The following RAE1 variants were observed in gnomAD, a reference collection of about 807,000 sequenced individuals.
RAE1 encodes ribonucleic acid export 1.
Under a neutral mutation model 52.7 loss-of-function variants are expected in RAE1, and 13 were observed. The ratio of observed to expected loss-of-function variants is 0.25; its 90% confidence interval spans 0.16 to 0.39. RAE1 has a LOEUF of 0.39. RAE1 is among the 10% of genes least tolerant of loss of function. The pLI, the probability that RAE1 is intolerant of heterozygous loss-of-function variation, is 1.00. For synonymous variants in RAE1, 164 were observed against 153.1 expected (o/e 1.07, Z -0.52); for missense variants, 262 against 459.8 (o/e 0.57, Z 3.93).
intron 5 of RAE1, 65 bp from the exon 6 acceptor site, chr20:57,366,742 A>T: frequency 1.4e-6 from 2 of 1,456,414 alleles, no homozygotes; most frequent in Non-Finnish European, 1.9e-6. Context: ...GAATTGCCAC[A>T]ACTAAAGCTG....
At chr20:57,373,246 AGCAGCG>A in intron 8 of RAE1, 2 of 545,476 alleles carry the variant, frequency 3.7e-6, no homozygotes, top group East Asian at 6.4e-5. Flanking sequence ...AGGGAGAGCG[AGCAGCG>A]GGGGCGGGGG....
At chr20:57,374,264 C>T (rs956305756) in intron 10 of RAE1, among the ~76,000 whole-genome samples, 1 of 152,214 alleles carries the variant, frequency 6.6e-6, no homozygotes, top group East Asian at 1.9e-4. Flanking sequence ...TGCCGAGAGT[C>T]TTCTCCCTCC....
In RAE1 at chr20:57,378,567, T is replaced by G. The variant is rs1276021363; in HGVS notation, c.*468T>G. ...TTGAGTTGAGATTTCAGACACCCTC[T>G]GGGAAATGCGGCAACCTTAGGGGAA... On this transcript the variant is annotated 3_prime_UTR_variant, in exon 12 of 12. Coordinates refer to ENST00000395841, the MANE Select transcript of RAE1 (RefSeq NM_003610.4). 1 of 154,412 alleles carries G rather than the reference T, an allele frequency of 6.5e-6. No homozygotes were observed. Among genetic ancestry groups the G allele is most frequent in the African/African-American group, 2.4e-5 (1 of 41,502 alleles). The allele number at this position is 154,412 out of a possible 1,614,324, so 9.6% of individuals were successfully genotyped here. A position where few individuals can be genotyped will look rare whatever the true frequency, so the allele number is the denominator to read the frequency against.
intron 3 of RAE1, among the ~76,000 whole-genome samples, chr20:57,355,337 A>G (rs2066769108): frequency 6.6e-6 from 1 of 152,254 alleles, no homozygotes; most frequent in African/African-American, 2.4e-5. Flanking sequence ...AATAAACCTG[A>G]ACCATTCATC....
At chr20:57,358,744 C>T in intron 4 of RAE1, 1 of 376,694 alleles carries the variant, frequency 2.7e-6, no homozygotes, top group Non-Finnish European at 4.7e-6. Flanking sequence ...GCGCTGTTAT[C>T]CCTAGGGTAA....
chr20:57,355,496 A>G (rs1226859991), intron 3 of RAE1, among the ~76,000 whole-genome samples: 1 of 152,234 alleles, frequency 6.6e-6, no homozygotes, highest in Non-Finnish European at 1.5e-5. Context: ...TTTCCACAGG[A>G]TAATTGGCAA....
intron 4 of RAE1, among the ~76,000 whole-genome samples, chr20:57,364,859 T>C (rs1324455756): frequency 2.0e-5 from 3 of 152,226 alleles, no homozygotes; most frequent in Non-Finnish European, 4.4e-5. Flanking sequence ...GAAGTGTTAT[T>C]AGATAGGGAC....
At position 57,375,105 on chromosome 20, in the gene RAE1, C is replaced by T. The variant is rs1329496353; in HGVS notation, c.1020+304C>T. 3 of 670,854 alleles carry T rather than the reference C, an allele frequency of 4.5e-6. No homozygotes were observed. The African/African-American group carries it at 5.3e-5, about 12-fold the overall frequency. The allele number at this position is 670,854 out of a possible 1,614,324, so 41.6% of individuals were successfully genotyped here. ...GGGCTGCACTTTATGAAGGGGGTGG[C>T]AGGGCGGGTCATGGAGCTTTCGCCT... On this transcript the variant is annotated intron_variant, in intron 11 of 11. Transcript: ENST00000395841.
intron 4 of RAE1, 137 bp from the exon 5 acceptor site, chr20:57,365,219 T>G (rs2066938090): frequency 3.6e-6 from 2 of 549,088 alleles, no homozygotes; most frequent in East Asian, 6.4e-5. Context: ...TAGTTTGCAG[T>G]ACACTGGTCC....
At chr20:57,353,974 T>G (rs2146125465) in intron 1 of RAE1, 58 bp from the exon 2 acceptor site, 1 of 1,427,512 alleles carries the variant, frequency 7.0e-7, no homozygotes, top group African/African-American at 1.4e-5. Context: ...TATCTTACCA[T>G]TGCCTCTCAG....
chr20:57,358,146 G>T (rs1305547502), intron 4 of RAE1: 1 of 152,116 alleles, frequency 6.6e-6, no homozygotes, highest in Non-Finnish European at 1.5e-5. Context: ...GGCTAGGATT[G>T]GAGCAATAAT....
intron 3 of RAE1, among the ~76,000 whole-genome samples, chr20:57,355,681 A>G (rs907348188): frequency 6.6e-5 from 10 of 152,220 alleles, no homozygotes; most frequent in African/African-American, 2.4e-4. Context: ...TAGTAATGGC[A>G]ATGTATAGTA....
intron 4 of RAE1, among the ~76,000 whole-genome samples, chr20:57,361,424 G>A (rs943205029): frequency 1.3e-5 from 2 of 152,156 alleles, no homozygotes; most frequent in Non-Finnish European, 2.9e-5. Flanking sequence ...CTCTGACTGG[G>A]TTGCATTTTA....
intron 8 of RAE1, chr20:57,372,927 G>A (rs1486501768): frequency 2.0e-5 from 3 of 153,044 alleles, no homozygotes; most frequent in Non-Finnish European, 4.4e-5. Context: ...GAATTTCTGG[G>A]TTCTTCTGTA....
chr20:57,351,651 G>A, intron 1 of RAE1: 1 of 985,566 alleles, frequency 1.0e-6, no homozygotes, highest in Non-Finnish European at 1.2e-6. Context: ...CCTCTGGGAA[G>A]GGTCACATTG....
chr20:57,371,425 G>T lies in RAE1; in HGVS notation c.643-2050G>T, dbSNP rs148732753. 3 of 152,314 alleles carry T rather than the reference G, an allele frequency of 2.0e-5. No individual in the cohort carries two copies. In the East Asian group the frequency reaches 5.8e-4, roughly 29 times the overall value. 9.4% of individuals were successfully genotyped at this position (152,314 alleles called of 1,614,324 possible). ...AGACTTGAATAGACATGTCTCCAAA[G>T]AAGACATACAAATACCCAGCAGGTG... On this transcript the variant is annotated intron_variant, in intron 8 of 11. Transcript: ENST00000395841.
rs776172362 is a variant in RAE1, at chr20:57,368,817, G to A, written c.642+5G>A. ...GAATCTCCACTGAAACATCAGGTGC[G>A]TCATTAGTCAAATCAAGAAGTATGT... On this transcript the variant is annotated splice_donor_5th_base_variant and intron_variant, in intron 8 of 11. Transcript: ENST00000395841. 24 of 1,599,380 alleles carry A rather than the reference G, an allele frequency of 1.5e-5. No individual in the cohort carries two copies. Among genetic ancestry groups the A allele is most frequent in the East Asian group, 2.2e-5 (1 of 44,832 alleles).
At chr20:57,371,467 A>C (rs1036915081) in intron 8 of RAE1, 1 of 152,256 alleles carries the variant, frequency 6.6e-6, no homozygotes, top group Non-Finnish European at 1.5e-5. Context: ...AATGTGCTTA[A>C]CATCCTAACT....
chr20:57,353,205 AAAG>A (rs564060912), intron 1 of RAE1, among the ~76,000 whole-genome samples: 38 of 152,324 alleles, frequency 2.5e-4, no homozygotes, highest in African/African-American at 9.1e-4. Flanking sequence ...TGGAAGGAAA[AAAG>A]AAGGGAAAAG....
Sources: gnomAD v4.1 joint callset for allele counts (sites outside exome capture counted in the v4.1 genomes callset) on GRCh38, gnomAD v4.1.1 for gene constraint, MANE v1.5 for transcripts, NCBI Gene and HGNC (gene_info 2026-07-23, HGNC 2026-07-21) for gene names.